The following KCNQ5 variants were observed in gnomAD, a reference collection of about 807,000 sequenced individuals.
KCNQ5 encodes the protein potassium voltage-gated channel subfamily Q member 5.
Under a neutral mutation model 98.2 loss-of-function variants are expected in KCNQ5, and 30 were observed. The ratio of observed to expected loss-of-function variants is 0.31; its 90% CI spans 0.23 to 0.41. The LOEUF is 0.41. Ranked by LOEUF, KCNQ5 falls within the 10% of genes least tolerant of loss-of-function variation. KCNQ5 has a pLI of 1.00. For synonymous variants in KCNQ5, 458 were observed against 449.4 expected, an observed-to-expected ratio of 1.02 and a Z score of -0.24; for missense variants, 835 against 1,182.5, an observed-to-expected ratio of 0.71 and a Z score of 4.31.
chr6:72,810,498 C>T (rs1775189598), intron 1 of KCNQ5, among the ~76,000 whole-genome samples: 1 of 152,180 alleles, frequency 6.6e-6, no homozygotes, highest in Non-Finnish European at 1.5e-5. Flanking sequence ...ATCTATTCTC[C>T]TTTCTCATTG....
At chr6:72,717,520 A>C (rs1445070833) in intron 1 of KCNQ5, among the ~76,000 whole-genome samples, 2 of 152,228 alleles carry the variant, frequency 1.3e-5, no homozygotes, top group Non-Finnish European at 2.9e-5. Context: ...ATAACATATC[A>C]TGAGAGAACA....
chr6:72,829,907 T>C (rs907860118), intron 1 of KCNQ5, among the ~76,000 whole-genome samples: 3 of 152,172 alleles, frequency 2.0e-5, no homozygotes, highest in African/African-American at 7.2e-5. Flanking sequence ...CTTAGATTTC[T>C]GTATTGATAG....
intron 1 of KCNQ5, among the ~76,000 whole-genome samples, chr6:72,789,039 T>A (rs1364854261): frequency 6.6e-6 from 1 of 152,218 alleles, no homozygotes; most frequent in Non-Finnish European, 1.5e-5. Context: ...CCATACTTTC[T>A]GATGGTGGAG....
intron 1 of KCNQ5, among the ~76,000 whole-genome samples, chr6:73,002,578 T>C (rs916112787): frequency 1.3e-5 from 2 of 152,216 alleles, no homozygotes; most frequent in Non-Finnish European, 2.9e-5. Flanking sequence ...GTCATTATTA[T>C]CAGCATAGAA....
chr6:72,650,485 A>G (rs2154472365), intron 1 of KCNQ5, among the ~76,000 whole-genome samples: 1 of 152,274 alleles, frequency 6.6e-6, no homozygotes, highest in East Asian at 1.9e-4. Flanking sequence ...AAATTCCAAA[A>G]TATTTTCAAA....
At chr6:73,090,410 TTTAA>T (rs1774194098) in intron 5 of KCNQ5, among the ~76,000 whole-genome samples, 1 of 152,202 alleles carries the variant, frequency 6.6e-6, no homozygotes, top group East Asian at 1.9e-4. Flanking sequence ...AGCTCTTTAG[TTTAA>T]TTAAGTACCA....
At chr6:73,179,342 T>G (rs1778327251) in intron 11 of KCNQ5, among the ~76,000 whole-genome samples, 1 of 152,146 alleles carries the variant, frequency 6.6e-6, no homozygotes, top group Non-Finnish European at 1.5e-5. Flanking sequence ...GTGAGCATGC[T>G]AAGTGCTAAC....
At chr6:72,860,077 C>T (rs1777702021) in intron 1 of KCNQ5, among the ~76,000 whole-genome samples, 1 of 152,080 alleles carries the variant, frequency 6.6e-6, no homozygotes, top group South Asian at 2.1e-4. Context: ...ATGCCCTCTC[C>T]TGAAAAGCCA....
At chr6:72,921,412 G>A (rs1381141587) in intron 1 of KCNQ5, among the ~76,000 whole-genome samples, 1 of 152,188 alleles carries the variant, frequency 6.6e-6, no homozygotes, top group Non-Finnish European at 1.5e-5. Flanking sequence ...AGTAGAAGAT[G>A]AGCAAGAAAT....
At chr6:72,796,210 T>A (rs1774328284) in intron 1 of KCNQ5, among the ~76,000 whole-genome samples, 1 of 152,170 alleles carries the variant, frequency 6.6e-6, no homozygotes, top group African/African-American at 2.4e-5. Flanking sequence ...TACAAAATAT[T>A]AAATATATTT....
At chr6:73,055,525 A>G in intron 3 of KCNQ5, 1 of 1,514,424 alleles carries the variant, frequency 6.6e-7, no homozygotes. Context: ...CAGACCTCAC[A>G]GAAAATCACC....
chr6:72,986,757 AC>A, intron 1 of KCNQ5: 2 of 1,479,934 alleles, frequency 1.4e-6, no homozygotes, highest in Non-Finnish European at 1.9e-6. Flanking sequence ...ACCTCCCCAG[AC>A]CCCAGACAGG....
chr6:72,656,426 C>T (rs1353035406), intron 1 of KCNQ5, among the ~76,000 whole-genome samples: 2 of 152,128 alleles, frequency 1.3e-5, no homozygotes, highest in African/African-American at 4.8e-5. Flanking sequence ...AAATGTATTG[C>T]TTTATTTAAT....
At chr6:72,902,203 CT>C (rs964547021) in intron 1 of KCNQ5, among the ~76,000 whole-genome samples, 1 of 152,168 alleles carries the variant, frequency 6.6e-6, no homozygotes, top group African/African-American at 2.4e-5. Flanking sequence ...TATCTGGAAA[CT>C]TTGCTGAATT....
At chr6:73,129,904 G>A in intron 9 of KCNQ5, 1 of 1,438,726 alleles carries the variant, frequency 7.0e-7, no homozygotes, top group East Asian at 2.3e-5. Flanking sequence ...CTAACCTCAG[G>A]TGCATGACCA....
intron 10 of KCNQ5, among the ~76,000 whole-genome samples, chr6:73,141,858 C>T (rs2150469589): frequency 6.6e-6 from 1 of 152,190 alleles, no homozygotes; most frequent in Non-Finnish European, 1.5e-5. Flanking sequence ...AGCAAATTAC[C>T]CTCAATTTAG....
intron 11 of KCNQ5, among the ~76,000 whole-genome samples, chr6:73,177,448 T>C (rs976768700): frequency 6.6e-6 from 1 of 152,168 alleles, no homozygotes; most frequent in Admixed American, 6.5e-5. Flanking sequence ...GGTTGGGTGA[T>C]AAAGTTTTTC....
intron 10 of KCNQ5, among the ~76,000 whole-genome samples, chr6:73,157,274 G>A (rs1010585142): frequency 6.6e-6 from 1 of 152,234 alleles, no homozygotes; most frequent in African/African-American, 2.4e-5. Flanking sequence ...TCAGCGAGAA[G>A]GTCCCCAAAT....
At chr6:73,144,955 A>G (rs1582439871) in intron 10 of KCNQ5, among the ~76,000 whole-genome samples, 1 of 152,220 alleles carries the variant, frequency 6.6e-6, no homozygotes, top group Non-Finnish European at 1.5e-5. Context: ...GACAGCCCAC[A>G]TGCAAGAGAC....
Sources: allele counts gnomAD v4.1 joint callset (sites outside exome capture counted in the v4.1 genomes callset), GRCh38; gene constraint gnomAD v4.1.1; transcripts MANE v1.5; gene names NCBI Gene and HGNC (gene_info 2026-07-23, HGNC 2026-07-21).